The following GALNT18 variants were observed in gnomAD, a reference collection of about 807,000 sequenced individuals.
GALNT18 encodes polypeptide N-acetylgalactosaminyltransferase 18, also known as GalNAc-transferase 18.
Under a neutral mutation model 69.5 loss-of-function variants are expected in GALNT18, and 44 were observed. That is an observed-to-expected ratio of 0.63 (90% CI 0.50 to 0.81). GALNT18 has a LOEUF of 0.81. Among genes scored for constraint, GALNT18 ranks in the 40% least tolerant of loss-of-function variants. The probability of loss-of-function intolerance (pLI) is 0.00; values close to 1 mark genes in which losing one functional copy is unlikely to be tolerated. For missense variants in GALNT18, 715 were observed against 810.0 expected (o/e 0.88, Z 1.42); for synonymous variants, 364 against 318.2 (o/e 1.14, Z -1.53).
chr11:11,457,820 G>C (rs979726458), intron 1 of GALNT18, among the ~76,000 whole-genome samples: 1 of 152,212 alleles, frequency 6.6e-6, no homozygotes, highest in Admixed American at 6.5e-5. Flanking sequence ...TTTGAGGGTG[G>C]GTGGGGAGTG....
At chr11:11,526,000 C>G (rs1160012745) in intron 1 of GALNT18, among the ~76,000 whole-genome samples, 1 of 152,090 alleles carries the variant, frequency 6.6e-6, no homozygotes, top group Non-Finnish European at 1.5e-5. Flanking sequence ...AATTGGAAGA[C>G]ACGGAAGAAA....
chr11:11,568,052 A>G (rs1465442754), intron 1 of GALNT18, among the ~76,000 whole-genome samples: 1 of 152,232 alleles, frequency 6.6e-6, no homozygotes, highest in Admixed American at 6.5e-5. Context: ...GTGAGCAGAC[A>G]TGAAGGATGC....
rs1368834028 is a variant in GALNT18 at position 11,603,939 on chromosome 11, G to A, written c.235+17420C>T. 6.6e-6 allele frequency among the ~76,000 whole-genome samples: 1 copy of A among 152,118 alleles called. No individual in the cohort carries two copies. Among genetic ancestry groups the A allele is most frequent in the Non-Finnish European group, 1.5e-5 (1 of 68,022 alleles). ...CTAAGTTGATGGAATTAGGAGGTAG[G>A]GCCTTTGGGAGGTGATAAGGCCATG... is the stretch of plus-strand genomic sequence containing the variant. On this transcript the variant is annotated intron_variant, in intron 1 of 10. Transcript: ENST00000227756. The surrounding 1 kb of genome is among the most constrained non-coding windows in gnomAD (Gnocchi z 4.5).
In GALNT18 at chr11:11,562,178, G is replaced by A. The variant is rs965015839; in HGVS notation, c.235+59181C>T. Among the ~76,000 whole-genome samples the A allele has an allele frequency of 3.3e-5, 5 of 152,178 alleles. No homozygotes were observed. Among genetic ancestry groups the A allele is most frequent in the South Asian group, 2.1e-4 (1 of 4,818 alleles). On this transcript the variant is annotated intron_variant, in intron 1 of 10. Coordinates refer to ENST00000227756, the MANE Select transcript of GALNT18 (RefSeq NM_198516.3). This position sits in a 1 kb window ranked among gnomAD's most constrained non-coding sequence, Gnocchi z 4.1. ...TCTCTCACAGTTCTGGGAGCTAGAC[G>A]TCCGCAATCAAGGTGCCAGCAAGAT...
chr11:11,580,008 A>G (rs938628816), intron 1 of GALNT18, among the ~76,000 whole-genome samples: 9 of 152,244 alleles, frequency 5.9e-5, no homozygotes, highest in Non-Finnish European at 1.3e-4. Context: ...GAGGAAGGCC[A>G]GGTGGAGGGA....
chr11:11,289,441 C>CCTGCTTTGTTGA (rs1158598430), intron 10 of GALNT18, among the ~76,000 whole-genome samples: 2 of 152,150 alleles, frequency 1.3e-5, no homozygotes, highest in African/African-American at 4.8e-5. Flanking sequence ...GCCACAGATG[C>CCTGCTTTGTTGA]CTGCTTTGTT....
rs1042969244 is a variant in GALNT18 at position 11,339,019 on chromosome 11, G to A, written c.1278+1800C>T. 1.3e-5 allele frequency among the ~76,000 whole-genome samples: 2 copies of A among 152,154 alleles called. No individual in the cohort carries two copies. Among genetic ancestry groups the A allele is most frequent in the African/African-American group, 4.8e-5 (2 of 41,420 alleles). ...GGAGGCCTATGTTGACCTTGACAAA[G>A]CAGTCTTGATGAAGTATCAGGATAT... On this transcript the variant is annotated intron_variant, in intron 7 of 10. Coordinates refer to ENST00000227756, the MANE Select transcript of GALNT18 (RefSeq NM_198516.3). The surrounding 1 kb of genome is among the most constrained non-coding windows in gnomAD (Gnocchi z 5.2).
intron 10 of GALNT18, among the ~76,000 whole-genome samples, chr11:11,286,783 A>G (rs970720464): frequency 2.0e-5 from 3 of 152,136 alleles, no homozygotes; most frequent in Non-Finnish European, 2.9e-5. Context: ...GGTTGAAATA[A>G]GGGGTAAATG....
Position 11,620,828 on chromosome 11 carries a change from ACTGGGG to A in GALNT18, c.235+525_235+530del, listed in dbSNP as rs1232748453. ...CGCCTACCAACGGGATCACAGCAAG[ACTGGGG>A]CTGGGGCTGATACAACGCAATTTTC... On this transcript the variant is annotated intron_variant, in intron 1 of 10. Transcript: ENST00000227756. The surrounding 1 kb of genome is among the most constrained non-coding windows in gnomAD (Gnocchi z 6.9). Among the ~76,000 whole-genome samples the A allele has an allele frequency of 6.6e-6, 1 of 152,148 alleles. No individual in the cohort carries two copies. Among genetic ancestry groups the A allele is most frequent in the Non-Finnish European group, 1.5e-5 (1 of 68,012 alleles).
intron 3 of GALNT18, among the ~76,000 whole-genome samples, chr11:11,393,788 A>G (rs1399069846): frequency 6.6e-6 from 1 of 152,194 alleles, no homozygotes; most frequent in Non-Finnish European, 1.5e-5. Context: ...TTTTTTCCAG[A>G]TCCCTCTATT....
chr11:11,537,510 G>A (rs373242656), intron 1 of GALNT18, among the ~76,000 whole-genome samples: 9 of 152,144 alleles, frequency 5.9e-5, no homozygotes, highest in African/African-American at 1.9e-4. Context: ...GGATATGTCC[G>A]TGTGTCTCCA....
chr11:11,357,995 A>C (rs995722639), intron 6 of GALNT18, among the ~76,000 whole-genome samples: 1 of 152,090 alleles, frequency 6.6e-6, no homozygotes, highest in Non-Finnish European at 1.5e-5. Flanking sequence ...TTTCCCTAAC[A>C]TCTGTGATTT....
rs745378831 is a variant in GALNT18 at position 11,463,567 on chromosome 11, G to A, written c.236-14631C>T. Among the ~76,000 whole-genome samples the A allele has an allele frequency of 5.9e-5, 9 of 152,072 alleles. No homozygotes were observed. Among genetic ancestry groups the A allele is most frequent in the Non-Finnish European group, 1.2e-4 (8 of 68,020 alleles). ...CGTGCCATCACTCCCAGCAGCTGTC[G>A]GCTCACTGGACGTCTTTTCATTACT... On this transcript the variant is annotated intron_variant, in intron 1 of 10. Transcript: ENST00000227756. The surrounding 1 kb of genome is among the most constrained non-coding windows in gnomAD (Gnocchi z 4.2).
intron 1 of GALNT18, among the ~76,000 whole-genome samples, chr11:11,502,366 G>A (rs1231087412): frequency 6.6e-6 from 1 of 152,242 alleles, no homozygotes; most frequent in African/African-American, 2.4e-5. Flanking sequence ...GCAGGCAGGA[G>A]CATGTGTGGC....
intron 9 of GALNT18, among the ~76,000 whole-genome samples, chr11:11,304,142 G>A (rs1849539718): frequency 6.6e-6 from 1 of 152,142 alleles, no homozygotes; most frequent in South Asian, 2.1e-4. Context: ...ACACATTTAG[G>A]GCAACTCTCT....
intron 10 of GALNT18, among the ~76,000 whole-genome samples, chr11:11,286,424 G>C (rs1297533482): frequency 6.6e-6 from 1 of 152,180 alleles, no homozygotes; most frequent in Non-Finnish European, 1.5e-5. Flanking sequence ...GTAGGAACTG[G>C]GGATTTTCCA....
Position 11,337,706 on chromosome 11 carries a change from A to C in GALNT18, c.1278+3113T>G, listed in dbSNP as rs565251863. On this transcript the variant is annotated intron_variant, in intron 7 of 10. Coordinates refer to ENST00000227756, the MANE Select transcript of GALNT18 (RefSeq NM_198516.3). This position sits in a 1 kb window ranked among gnomAD's most constrained non-coding sequence, Gnocchi z 4.9. ...GGGGTGGTCATACAGGAAGAGGTAG[A>C]GGGTAGGGAATTCCAAGCAGGATGA... Among the ~76,000 whole-genome samples, 1 of 152,142 alleles carries C rather than the reference A, an allele frequency of 6.6e-6. No individual in the cohort carries two copies. The highest frequency in any genetic ancestry group is 1.9e-4 in the East Asian group (1 of 5,150).
At chr11:11,361,103 A>C (rs1850635615) in intron 6 of GALNT18, among the ~76,000 whole-genome samples, 1 of 152,250 alleles carries the variant, frequency 6.6e-6, no homozygotes, top group Admixed American at 6.5e-5. Context: ...ACTCAAAGGC[A>C]GGGGCTGTCA....
In GALNT18 at chr11:11,541,938, C is replaced by T. The variant is rs1397077503; in HGVS notation, c.235+79421G>A. On this transcript the variant is annotated intron_variant, in intron 1 of 10. Transcript: ENST00000227756. The surrounding 1 kb of genome is among the most constrained non-coding windows in gnomAD (Gnocchi z 4.8). ...CAACCTCCTGCAGGAGAATCACAGG[C>T]AAGGCAACTATAGACACGAGCCAAA... 6.6e-6 allele frequency among the ~76,000 whole-genome samples: 1 copy of T among 152,124 alleles called. No individual in the cohort carries two copies. The highest frequency in any genetic ancestry group is 2.4e-5 in the African/African-American group (1 of 41,430).
Sources: gnomAD v4.1 joint callset for allele counts (sites outside exome capture counted in the v4.1 genomes callset) on GRCh38, gnomAD v4.1.1 for gene constraint, Gnocchi (gnomAD v3.1) non-coding constraint, MANE v1.5 for transcripts, NCBI Gene and HGNC (gene_info 2026-07-23, HGNC 2026-07-21) for gene names.